FRMD1: variants seen among roughly 807,000 people sequenced by gnomAD.
The protein encoded by FRMD1 is FERM domain containing 1, also known as FERM domain-containing protein 1.
Under a neutral mutation model 54.9 loss-of-function variants are expected in FRMD1, and 51 were observed. That is an observed-to-expected ratio of 0.93 (90% CI 0.74 to 1.17). FRMD1 has a LOEUF of 1.17. Among genes scored for constraint, FRMD1 ranks in the 50% most tolerant of loss-of-function variants. The pLI is 0.00. For synonymous variants in FRMD1, 324 were observed against 306.4 expected, an observed-to-expected ratio of 1.06 and a Z score of -0.60; for missense variants, 729 against 743.0, an observed-to-expected ratio of 0.98 and a Z score of 0.22.
In FRMD1 at chr6:168,057,133, C is replaced by A. The variant is rs368593574; in HGVS notation, c.1614G>T (p.Leu538=). ...KRSSNCLALD[L]FGEAPPQEFV... ...ACTCCTGTGGTGGAGCCTCTCCGAA[C>A]AGGTCCAGGGCGAGACAGTTGCTGG... Residue 538 remains leucine (L), a synonymous_variant, in exon 11 of 11, where the codon CTG becomes CTT. Transcript: ENST00000283309. 3.3e-6 allele frequency: 5 copies of A among 1,519,140 alleles called. No individual in the cohort carries two copies. The highest frequency in any genetic ancestry group is 4.4e-6 in the Non-Finnish European group (5 of 1,131,024). The allele number at this position is 1,519,140 out of a possible 1,614,324, so 94.1% of individuals were successfully genotyped here. A position where few individuals can be genotyped will look rare whatever the true frequency, so the allele number is the denominator to read the frequency against.
At chr6:168,089,073 G>GC (rs1800971759) in intron 1 of FRMD1, among the ~76,000 whole-genome samples, 1 of 152,228 alleles carries the variant, frequency 6.6e-6, no homozygotes, top group South Asian at 2.1e-4. Flanking sequence ...CCCAGGGCTG[G>GC]CCCCACACCA....
chr6:168,078,914 G>A lies in FRMD1; in HGVS notation c.181C>T (p.Pro61Ser). ...GCCAGCCGCAGTTGCTCCCGGCTGG[G>A]CAGCAGCACGAGGACATCCCTGTGT... The part of the protein sequence containing the change: ...SEHRDVLVLL[P>S]SREQLRLAVG... Residue 61 changes from proline to serine, a missense_variant, in exon 1 of 11, where the codon CCC (proline) becomes TCC (serine). Coordinates refer to ENST00000283309, the MANE Select transcript of FRMD1 (RefSeq NM_024919.6). 1 of 1,601,598 alleles carries A rather than the reference G, an allele frequency of 6.2e-7. No individual in the cohort carries two copies. The highest frequency in any genetic ancestry group is 8.5e-7 in the Non-Finnish European group (1 of 1,176,812).
chr6:168,067,949 GA>G (rs11428700), intron 2 of FRMD1, among the ~76,000 whole-genome samples: 170 of 147,806 alleles, frequency 1.2e-3, no homozygotes, highest in African/African-American at 3.2e-3. Flanking sequence ...GTCACCACAG[GA>G]AAAAAAAAAA....
chr6:168,062,730 G>T, intron 7 of FRMD1, 164 bp downstream of exon 7: 1 of 1,559,256 alleles, frequency 6.4e-7, no homozygotes, highest in South Asian at 1.2e-5. Flanking sequence ...TGCGGAGCAC[G>T]GTCCACCTCC....
rs1799350670 is a variant in FRMD1, at chr6:168,054,804, T to A, written c.*2293A>T. Reference sequence around the variant, plus strand: ...CCGCTCCTGCCCCTCCAGGTGTGGGTGACGTGGAAGGGGGCTGTGGGGAGG... The same window carrying A: ...CCGCTCCTGCCCCTCCAGGTGTGGGAGACGTGGAAGGGGGCTGTGGGGAGG... On this transcript the variant is annotated 3_prime_UTR_variant, in exon 11 of 11. Transcript: ENST00000283309. The A allele has an allele frequency of 1.3e-5, 2 of 152,122 alleles. No homozygotes were observed. Among genetic ancestry groups the A allele is most frequent in the South Asian group, 4.2e-4 (2 of 4,816 alleles). The allele number at this position is 152,122 out of a possible 1,614,324, so 9.4% of individuals were successfully genotyped here. A position where few individuals can be genotyped will look rare whatever the true frequency, so the allele number is the denominator to read the frequency against.
chr6:168,068,025 T>C (rs1800133273), intron 2 of FRMD1, among the ~76,000 whole-genome samples: 1 of 151,768 alleles, frequency 6.6e-6, no homozygotes, highest in African/African-American at 2.4e-5. Flanking sequence ...GGCAGGAAGA[T>C]TGCTTGATCC....
intron 1 of FRMD1, among the ~76,000 whole-genome samples, chr6:168,087,948 A>G (rs2115031700): frequency 1.3e-5 from 2 of 152,250 alleles, no homozygotes; most frequent in Middle Eastern, 6.8e-3. Context: ...GAGGGGCGGC[A>G]TGAGCCAGCA....
chr6:168,057,471 C>T (rs914174442), intron 10 of FRMD1, 132 bp from the exon 11 acceptor site: 43 of 1,366,108 alleles, frequency 3.1e-5, no homozygotes, highest in African/African-American at 7.2e-5. Flanking sequence ...AGTGCATGGC[C>T]GGCCTGCCCC....
intron 1 of FRMD1, among the ~76,000 whole-genome samples, chr6:168,077,281 T>TG (rs146849973): frequency 0.48 from 69,682 of 146,550 alleles, 18,107 homozygotes; most frequent in South Asian, 0.63. Context: ...CACACTCCGA[T>TG]GGGGGGGGGT....
At chr6:168,081,614 C>T, upstream of FRMD1, 1 of 1,208,000 alleles carries the variant, frequency 8.3e-7, no homozygotes. Context: ...GTCCACAAAG[C>T]ACAGGTTTTG....
intron 1 of FRMD1, chr6:168,075,754 A>G (rs1351950427): frequency 2.4e-5 from 37 of 1,550,168 alleles, no homozygotes; most frequent in Non-Finnish European, 3.1e-5. Context: ...CCATCGCCCA[A>G]CTGATGCGAG....
chr6:168,073,472 AG>A (rs934456047), intron 2 of FRMD1, among the ~76,000 whole-genome samples: 4 of 152,122 alleles, frequency 2.6e-5, no homozygotes, highest in Admixed American at 2.0e-4. Context: ...TCTGCCCCCC[AG>A]GGTCCTCCTT....
chr6:168,072,879 T>C (rs1800379842), intron 2 of FRMD1, among the ~76,000 whole-genome samples: 1 of 152,118 alleles, frequency 6.6e-6, no homozygotes, highest in African/African-American at 2.4e-5. Flanking sequence ...AAAACTGGAC[T>C]CTCCAAAGTC....
chr6:168,086,788 G>A (rs1460889987), intron 1 of FRMD1, among the ~76,000 whole-genome samples: 1 of 152,230 alleles, frequency 6.6e-6, no homozygotes, highest in Non-Finnish European at 1.5e-5. Context: ...TCCCCACACT[G>A]GATGGCACGA....
chr6:168,080,935 G>A (rs1483123917), upstream of FRMD1, among the ~76,000 whole-genome samples: 9 of 152,072 alleles, frequency 5.9e-5, no homozygotes, highest in African/African-American at 2.2e-4. Flanking sequence ...GGGCCAATGA[G>A]CTCCAAACAT....
chr6:168,086,229 C>G (rs1800915511), upstream of FRMD1, among the ~76,000 whole-genome samples: 1 of 151,912 alleles, frequency 6.6e-6, no homozygotes, highest in Non-Finnish European at 1.5e-5. Context: ...CATGGACACC[C>G]ACATCTTCAG....
At chr6:168,064,318 C>T (rs1799913829) in intron 5 of FRMD1, among the ~76,000 whole-genome samples, 1 of 152,206 alleles carries the variant, frequency 6.6e-6, no homozygotes, top group Admixed American at 6.5e-5. Context: ...TCACCCGGAA[C>T]AGGGCCTGCA....
In FRMD1 at chr6:168,079,021, G is replaced by A. The variant is rs144351021; in HGVS notation, c.74C>T (p.Ala25Val). ...TNPDTFPPSG[A>V]RCMEPSPERP... Reference sequence around the variant, plus strand: ...CTCAGGACTGGGTTCCATACATCGCGCCCCTGAAGGAGGGAACGTGTCAGG... The same window carrying A: ...CTCAGGACTGGGTTCCATACATCGCACCCCTGAAGGAGGGAACGTGTCAGG... The change falls in exon 1 of 11, where the codon GCG becomes GTG. Residue 25 changes from alanine (A) to valine (V), a missense_variant. Physicochemically the swap from Ala to Val is moderately conservative, Grantham distance 64. Transcript: ENST00000283309. The A allele has an allele frequency of 1.3e-5, 21 of 1,611,940 alleles. No homozygotes were observed. Among genetic ancestry groups the A allele is most frequent in the Admixed American group, 3.3e-5 (2 of 59,998 alleles).
chr6:168,064,354 G>C (rs1001647545), intron 5 of FRMD1, among the ~76,000 whole-genome samples: 33 of 152,196 alleles, frequency 2.2e-4, no homozygotes, highest in Admixed American at 2.0e-3. Context: ...CCATCAATCC[G>C]CGCGGCCATC....
Sources: gnomAD v4.1 joint callset for allele counts (sites outside exome capture counted in the v4.1 genomes callset) on GRCh38, gnomAD v4.1.1 for gene constraint, MANE v1.5 for transcripts, NCBI Gene and HGNC (gene_info 2026-07-23, HGNC 2026-07-21) for gene names.